PCDH7: variants seen among roughly 807,000 people sequenced by gnomAD.
The protein encoded by PCDH7 is protocadherin-7.
Under a neutral mutation model 58.9 loss-of-function variants are expected in PCDH7, and 17 were observed. That is an observed-to-expected ratio of 0.29 (90% CI 0.20 to 0.43). The LOEUF is 0.43. Ranked by LOEUF, PCDH7 falls within the 20% of genes least tolerant of loss-of-function variation. PCDH7 has a pLI of 1.00. For missense variants in PCDH7, 1,274 were observed against 1,441.0 expected, an observed-to-expected ratio of 0.88 and a Z score of 1.88; for synonymous variants, 664 against 616.4, an observed-to-expected ratio of 1.08 and a Z score of -1.14.
intron 3 of PCDH7, among the ~76,000 whole-genome samples, chr4:31,140,167 TAAG>T (rs1720074033): frequency 6.6e-6 from 1 of 152,178 alleles, no homozygotes; most frequent in African/African-American, 2.4e-5. Flanking sequence ...AGTTAAAAAG[TAAG>T]AAGACTTGTT....
intron 1 of PCDH7, among the ~76,000 whole-genome samples, chr4:30,881,627 G>T (rs908049461): frequency 2.0e-5 from 3 of 152,054 alleles, no homozygotes; most frequent in African/African-American, 7.2e-5. Flanking sequence ...CAGTTTTTGG[G>T]TGCCTGAAGG....
At chr4:31,090,191 T>C (rs1475301714) in intron 3 of PCDH7, among the ~76,000 whole-genome samples, 1 of 152,048 alleles carries the variant, frequency 6.6e-6, no homozygotes, top group African/African-American at 2.4e-5. Flanking sequence ...GAGAGGATCC[T>C]TGGAAGTGTG....
intron 1 of PCDH7, among the ~76,000 whole-genome samples, chr4:30,881,883 T>C (rs558006447): frequency 7.0e-4 from 107 of 152,300 alleles, no homozygotes; most frequent in Non-Finnish European, 1.2e-3. Context: ...TCAATTTAAT[T>C]ATTTATTTTA....
intron 2 of PCDH7, among the ~76,000 whole-genome samples, chr4:30,938,260 T>G (rs1326848700): frequency 6.6e-6 from 1 of 152,160 alleles, no homozygotes; most frequent in Non-Finnish European, 1.5e-5. Context: ...GGATTCATTT[T>G]AATATTTTTG....
chr4:30,817,976 A>G (rs1046526527), intron 1 of PCDH7, among the ~76,000 whole-genome samples: 2 of 151,298 alleles, frequency 1.3e-5, no homozygotes, highest in Non-Finnish European at 3.0e-5. Flanking sequence ...TCTCAAGTCC[A>G]CTCCTGCCAC....
chr4:30,788,521 G>T (rs1401288419), intron 1 of PCDH7, among the ~76,000 whole-genome samples: 1 of 151,636 alleles, frequency 6.6e-6, no homozygotes, highest in Non-Finnish European at 1.5e-5. Context: ...CTGTTGTATT[G>T]AATATTTTTT....
chr4:30,823,266 CTT>C (rs996388526), intron 1 of PCDH7, among the ~76,000 whole-genome samples: 40 of 152,244 alleles, frequency 2.6e-4, no homozygotes, highest in African/African-American at 5.8e-4. Flanking sequence ...CTTCTTATCT[CTT>C]TCACTCCGAT....
intron 1 of PCDH7, among the ~76,000 whole-genome samples, chr4:30,728,537 C>T (rs954275220): frequency 4.0e-5 from 6 of 151,678 alleles, no homozygotes; most frequent in Non-Finnish European, 5.9e-5. Flanking sequence ...GGAAGTTAGG[C>T]TGTGTCTTTA....
intron 3 of PCDH7, among the ~76,000 whole-genome samples, chr4:31,126,833 C>A (rs1196935330): frequency 1.3e-5 from 2 of 152,292 alleles, no homozygotes; most frequent in African/African-American, 4.8e-5. Flanking sequence ...CTATTGCTAA[C>A]AATGCCTGTA....
chr4:30,807,956 G>A (rs967586805), intron 1 of PCDH7, among the ~76,000 whole-genome samples: 9 of 152,176 alleles, frequency 5.9e-5, no homozygotes, highest in Non-Finnish European at 1.2e-4. Flanking sequence ...AAAAGTATAT[G>A]CAGTCACAGC....
intron 3 of PCDH7, among the ~76,000 whole-genome samples, chr4:31,100,764 G>A (rs1433244665): frequency 6.6e-6 from 1 of 152,192 alleles, no homozygotes; most frequent in African/African-American, 2.4e-5. Context: ...GTCAGGGAAA[G>A]AGAACTGTGG....
At chr4:30,937,368 T>G (rs1197857777) in intron 2 of PCDH7, among the ~76,000 whole-genome samples, 2 of 152,114 alleles carry the variant, frequency 1.3e-5, no homozygotes, top group African/African-American at 4.8e-5. Context: ...ATAAGATTTT[T>G]ATAATATGTG....
chr4:31,113,600 C>G (rs534612121), intron 3 of PCDH7, among the ~76,000 whole-genome samples: 149 of 152,146 alleles, frequency 9.8e-4, no homozygotes, highest in African/African-American at 3.5e-3. Context: ...GCTGCATAAA[C>G]AAATCCAAAG....
intron 1 of PCDH7, among the ~76,000 whole-genome samples, chr4:30,918,055 G>C (rs930466119): frequency 9.2e-5 from 14 of 152,096 alleles, no homozygotes; most frequent in Non-Finnish European, 1.9e-4. Context: ...AGATTTGAAA[G>C]TCATTAAAAT....
At chr4:31,011,768 T>A (rs1041357128) in intron 3 of PCDH7, among the ~76,000 whole-genome samples, 1 of 152,044 alleles carries the variant, frequency 6.6e-6, no homozygotes, top group African/African-American at 2.4e-5. Context: ...TATTTAAAAT[T>A]AATGTTTGGG....
At chr4:30,742,812 A>T (rs1286633538) in intron 1 of PCDH7, among the ~76,000 whole-genome samples, 1 of 152,174 alleles carries the variant, frequency 6.6e-6, no homozygotes. Context: ...GCTTCATATC[A>T]AAAGAAATTG....
intron 1 of PCDH7, among the ~76,000 whole-genome samples, chr4:30,847,120 CAATA>C (rs1314408734): frequency 6.6e-6 from 1 of 150,746 alleles, no homozygotes; most frequent in Non-Finnish European, 1.5e-5. Context: ...GAGATCTTGT[CAATA>C]AATAAATAAA....
At chr4:30,805,025 G>T (rs1251275405) in intron 1 of PCDH7, among the ~76,000 whole-genome samples, 1 of 152,136 alleles carries the variant, frequency 6.6e-6, no homozygotes, top group Non-Finnish European at 1.5e-5. Flanking sequence ...TGTCAATTCT[G>T]TCTCTTTTTC....
intron 3 of PCDH7, among the ~76,000 whole-genome samples, chr4:31,003,821 C>T (rs141256211): frequency 6.6e-6 from 1 of 151,812 alleles, no homozygotes; most frequent in Admixed American, 6.6e-5. Flanking sequence ...GGCAGGAGAA[C>T]GGCATGAACC....
Sources: gnomAD v4.1 joint callset for allele counts (sites outside exome capture counted in the v4.1 genomes callset) on GRCh38, gnomAD v4.1.1 for gene constraint, MANE v1.5 for transcripts, NCBI Gene and HGNC (gene_info 2026-07-23, HGNC 2026-07-21) for gene names.